Variants in GPR137B observed in about 807,000 individuals in gnomAD.
GPR137B encodes G protein-coupled receptor 137B.
GPR137B carries 42 observed loss-of-function variants against 42.5 expected under a neutral mutation model. That is an observed-to-expected ratio of 0.99 (90% CI 0.77 to 1.28). The LOEUF is 1.28. Among genes scored for constraint, GPR137B ranks in the 50% most tolerant of loss-of-function variants. The pLI is 0.00. For synonymous variants in GPR137B, 218 were observed against 209.7 expected, an observed-to-expected ratio of 1.04 and a Z score of -0.34; for missense variants, 487 against 493.9, an observed-to-expected ratio of 0.99 and a Z score of 0.13.
chr1:236,179,124 T>C (rs1350521577), intron 3 of GPR137B, among the ~76,000 whole-genome samples: 1 of 151,850 alleles, frequency 6.6e-6, no homozygotes. Context: ...AACAGAACTG[T>C]GGTTTTTAAT....
intron 2 of GPR137B, among the ~76,000 whole-genome samples, chr1:236,177,279 T>C (rs1221849457): frequency 6.6e-6 from 1 of 152,080 alleles, no homozygotes; most frequent in Admixed American, 6.6e-5. Flanking sequence ...AACCAAGGTC[T>C]CTTTGGGCCA....
rs1403777198 is a variant in GPR137B, at chr1:236,155,172, C to A, written c.414+12136C>A. 1.3e-5 allele frequency among the ~76,000 whole-genome samples: 2 copies of A among 152,212 alleles called. No homozygotes were observed. The highest frequency in any genetic ancestry group is 2.9e-5 in the Non-Finnish European group (2 of 68,038). ...CAGTGGGCAGGCGGGCAGGTCCGTG[C>A]GCTTCTGTGGCTGAAGCGGCCGGGC... On this transcript the variant is annotated intron_variant, in intron 1 of 6. Transcript: ENST00000366592. The surrounding 1 kb of genome is among the most constrained non-coding windows in gnomAD (Gnocchi z 4.6).
At chr1:236,174,389 T>C (rs977121584) in intron 2 of GPR137B, among the ~76,000 whole-genome samples, 1 of 152,126 alleles carries the variant, frequency 6.6e-6, no homozygotes, top group Non-Finnish European at 1.5e-5. Flanking sequence ...TTGACCAGCT[T>C]GATGAGCACG....
chr1:236,174,294 C>G (rs1326627758), intron 2 of GPR137B, among the ~76,000 whole-genome samples: 1 of 152,064 alleles, frequency 6.6e-6, no homozygotes, highest in Non-Finnish European at 1.5e-5. Context: ...AGATAAAAAT[C>G]AAGAAGGAGG....
intron 1 of GPR137B, among the ~76,000 whole-genome samples, chr1:236,164,702 A>G (rs1158739246): frequency 1.3e-5 from 2 of 152,194 alleles, no homozygotes; most frequent in African/African-American, 2.4e-5. Flanking sequence ...CTGAAATTAT[A>G]TGTGCGTTTG....
intron 1 of GPR137B, among the ~76,000 whole-genome samples, chr1:236,154,677 C>G (rs1431008233): frequency 6.6e-6 from 1 of 152,060 alleles, no homozygotes; most frequent in Non-Finnish European, 1.5e-5. Context: ...CCTAAAACCT[C>G]AGAATTCTCC....
At chr1:236,180,240 A>G in intron 4 of GPR137B, 1 of 518,604 alleles carries the variant, frequency 1.9e-6, no homozygotes, top group East Asian at 3.2e-5. Flanking sequence ...CACAAATGCT[A>G]TGTAAACAGT....
At chr1:236,204,331 G>A (rs1350925826) in intron 5 of GPR137B, among the ~76,000 whole-genome samples, 3 of 152,206 alleles carry the variant, frequency 2.0e-5, no homozygotes, top group East Asian at 1.9e-4. Context: ...GAAGATTTTT[G>A]CATCAATATT....
chr1:236,162,574 G>T (rs557391909), intron 1 of GPR137B, among the ~76,000 whole-genome samples: 1 of 152,314 alleles, frequency 6.6e-6, no homozygotes, highest in East Asian at 1.9e-4. Flanking sequence ...CTGGGCCCAG[G>T]GTCCCCATGC....
At chr1:236,162,844 G>C (rs1362268430) in intron 1 of GPR137B, among the ~76,000 whole-genome samples, 3 of 152,260 alleles carry the variant, frequency 2.0e-5, no homozygotes, top group East Asian at 3.8e-4. Context: ...TCATGGAGAA[G>C]CTCTGCTAGG....
At chr1:236,163,695 T>C (rs1193395564) in intron 1 of GPR137B, among the ~76,000 whole-genome samples, 1 of 152,194 alleles carries the variant, frequency 6.6e-6, no homozygotes, top group East Asian at 1.9e-4. Context: ...GCTGCTGCCA[T>C]GTAAGAAGTG....
chr1:236,154,616 G>A (rs900762739), intron 1 of GPR137B, among the ~76,000 whole-genome samples: 7 of 147,684 alleles, frequency 4.7e-5, no homozygotes, highest in African/African-American at 1.8e-4. Context: ...GACACAGGGA[G>A]TGTCATTTAA....
In GPR137B at chr1:236,208,490, TGTA is replaced by T; in HGVS notation, c.*335_*337del. 1 of 912,318 alleles carries T rather than the reference TGTA, an allele frequency of 1.1e-6. No homozygotes were observed. The highest frequency in any genetic ancestry group is 1.3e-6 in the Non-Finnish European group (1 of 747,136). The allele number at this position is 912,318 out of a possible 1,614,324, so 56.5% of individuals were successfully genotyped here. ...CTTGAGAATGTTACTGCAATCATGT[TGTA>T]GTTTGCACAGACTTTTATGCATAAT... On this transcript the variant is annotated 3_prime_UTR_variant, in exon 7 of 7. Coordinates refer to ENST00000366592, the MANE Select transcript of GPR137B (RefSeq NM_003272.4).
At chr1:236,205,317 C>A (rs1014226666) in intron 6 of GPR137B, 67 bp downstream of exon 6, 15 of 1,408,394 alleles carry the variant, frequency 1.1e-5, no homozygotes, top group African/African-American at 1.4e-5. Flanking sequence ...TAAATAGATT[C>A]AAGCTAAAAG....
chr1:236,157,186 C>G (rs1662055109), intron 1 of GPR137B, among the ~76,000 whole-genome samples: 1 of 151,566 alleles, frequency 6.6e-6, no homozygotes, highest in African/African-American at 2.4e-5. Flanking sequence ...ATTGGTAGAG[C>G]CAGGATTCAA....
chr1:236,174,578 A>G (rs1662630511), intron 2 of GPR137B, among the ~76,000 whole-genome samples: 1 of 152,166 alleles, frequency 6.6e-6, no homozygotes. Context: ...TGACCTTGAC[A>G]ATGGATTATA....
At chr1:236,149,428 C>T (rs1043679378) in intron 1 of GPR137B, among the ~76,000 whole-genome samples, 1 of 152,238 alleles carries the variant, frequency 6.6e-6, no homozygotes, top group Non-Finnish European at 1.5e-5. Flanking sequence ...AGACGCCACA[C>T]TCTGACTTGA....
chr1:236,204,689 T>C (rs1463454310), intron 5 of GPR137B, among the ~76,000 whole-genome samples: 1 of 152,212 alleles, frequency 6.6e-6, no homozygotes, highest in East Asian at 1.9e-4. Flanking sequence ...AAAACATTGC[T>C]TTCTCAGTGG....
intron 1 of GPR137B, among the ~76,000 whole-genome samples, chr1:236,149,916 G>C (rs919789270): frequency 6.6e-6 from 1 of 152,014 alleles, no homozygotes; most frequent in Admixed American, 6.6e-5. Flanking sequence ...GCCTGTGCAC[G>C]TGTGGCTGCG....
Sources: allele counts gnomAD v4.1 joint callset (sites outside exome capture counted in the v4.1 genomes callset), GRCh38; gene constraint gnomAD v4.1.1; non-coding constraint Gnocchi (gnomAD v3.1); transcripts MANE v1.5; gene names NCBI Gene and HGNC (gene_info 2026-07-23, HGNC 2026-07-21).